The following ASAP2 variants were observed in gnomAD, a reference collection of about 807,000 sequenced individuals.
ASAP2 encodes arf-GAP with SH3 domain, ANK repeat and PH domain-containing protein 2.
Under a neutral mutation model 131.4 loss-of-function variants are expected in ASAP2, and 45 were observed. The ratio of observed to expected loss-of-function variants is 0.34; its 90% CI spans 0.27 to 0.44. The LOEUF (loss-of-function observed/expected upper bound fraction) is 0.44, where lower values mean the gene tolerates loss of function less well. Ranked by LOEUF, ASAP2 falls within the 20% of genes least tolerant of loss-of-function variation. The pLI is 1.00. For synonymous variants in ASAP2, 510 were observed against 503.0 expected (o/e 1.01, Z -0.19); for missense variants, 1,011 against 1,297.0 (o/e 0.78, Z 3.39).
At chr2:9,253,527 T>C (rs1157329652) in intron 1 of ASAP2, among the ~76,000 whole-genome samples, 1 of 152,180 alleles carries the variant, frequency 6.6e-6, no homozygotes, top group African/African-American at 2.4e-5. Context: ...ACCCTACAGA[T>C]GTAACGTAGC....
At chr2:9,352,092 G>C (rs74462475) in intron 12 of ASAP2, among the ~76,000 whole-genome samples, 6,467 of 152,196 alleles carry the variant, frequency 0.042, 371 homozygotes, top group African/African-American at 0.12. Flanking sequence ...GCCAGGTGTG[G>C]TGGTGTGATC....
chr2:9,302,204 G>A (rs1335413217), intron 3 of ASAP2, among the ~76,000 whole-genome samples: 3 of 122,898 alleles, frequency 2.4e-5, no homozygotes, highest in African/African-American at 6.4e-5. Flanking sequence ...ACGGAGTCTC[G>A]CTCTGTCGCC....
intron 1 of ASAP2, among the ~76,000 whole-genome samples, chr2:9,242,240 G>A (rs1039262866): frequency 2.6e-5 from 4 of 152,218 alleles, no homozygotes; most frequent in Admixed American, 2.6e-4. Context: ...TACAGATAGA[G>A]ATCTGACCTG....
intron 1 of ASAP2, among the ~76,000 whole-genome samples, chr2:9,226,324 G>A (rs1259881999): frequency 1.3e-5 from 2 of 152,188 alleles, no homozygotes; most frequent in African/African-American, 2.4e-5. Flanking sequence ...CTGTATGGCT[G>A]TGTACCCTTA....
At chr2:9,265,560 T>C (rs1318351515) in intron 1 of ASAP2, among the ~76,000 whole-genome samples, 1 of 152,346 alleles carries the variant, frequency 6.6e-6, no homozygotes, top group South Asian at 2.1e-4. Flanking sequence ...TTAATGATAG[T>C]TTAAAAGTGG....
intron 1 of ASAP2, among the ~76,000 whole-genome samples, chr2:9,270,430 TA>T (rs760273463): frequency 1.8e-3 from 266 of 151,906 alleles, no homozygotes; most frequent in African/African-American, 4.8e-3. Context: ...TATTTTTTTT[TA>T]AATTTTTGAT....
intron 1 of ASAP2, among the ~76,000 whole-genome samples, chr2:9,237,752 A>G (rs1187889018): frequency 6.6e-6 from 1 of 152,116 alleles, no homozygotes; most frequent in African/African-American, 2.4e-5. Flanking sequence ...CTGAGCGACC[A>G]GGAGACTGAG....
chr2:9,304,495 G>A (rs796860291), intron 3 of ASAP2, among the ~76,000 whole-genome samples: 2 of 145,262 alleles, frequency 1.4e-5, no homozygotes, highest in Admixed American at 6.9e-5. Context: ...CTGTAGGGGG[G>A]GTGTAGATAC....
At position 9,236,091 on chromosome 2, in the gene ASAP2, C is replaced by T. The variant is rs542083765; in HGVS notation, c.126+28861C>T. Among the ~76,000 whole-genome samples the T allele has an allele frequency of 4.7e-3, 721 of 152,204 alleles. 3 individuals are homozygous for T. The highest frequency in any genetic ancestry group is 5.7e-3 in the Non-Finnish European group (389 of 68,004). On this transcript the variant is annotated intron_variant, in intron 1 of 27. Coordinates refer to ENST00000281419, the MANE Select transcript of ASAP2 (RefSeq NM_003887.3). ...TGTGTCCGGGCCTGATGTTGAGAAA[C>T]GCTGGGTCAAAAGGCTTCAGGTGAT...
At chr2:9,283,641 C>T (rs1265577300) in intron 2 of ASAP2, among the ~76,000 whole-genome samples, 2 of 152,140 alleles carry the variant, frequency 1.3e-5, no homozygotes, top group African/African-American at 2.4e-5. Context: ...GCTGCTATAA[C>T]AAAATACCAT....
rs957906804 is a variant in ASAP2 at position 9,297,339 on chromosome 2, A to G, written c.239A>G (p.Glu80Gly). ...GAAGAGCAGTACACCCAGGCTCTGG[A>G]GAAGTTTGGCGGCAACTGTGTATGC... ...ENEEQYTQAL[E>G]KFGGNCVCRD... The change falls in exon 3 of 28, where the codon GAG (glutamate) becomes GGG (glycine). Residue 80 changes from glutamate to glycine, a missense_variant. By Grantham distance (98) the Glu-to-Gly change is moderately conservative. Coordinates refer to ENST00000281419, the MANE Select transcript of ASAP2 (RefSeq NM_003887.3). The G allele has an allele frequency of 1.2e-6, 2 of 1,614,112 alleles. No individual in the cohort carries two copies. Among genetic ancestry groups the G allele is most frequent in the Non-Finnish European group, 1.7e-6 (2 of 1,180,006 alleles).
chr2:9,223,642 C>T (rs1382987740), intron 1 of ASAP2, among the ~76,000 whole-genome samples: 3 of 152,166 alleles, frequency 2.0e-5, no homozygotes, highest in Non-Finnish European at 2.9e-5. Context: ...AAAATGACCC[C>T]CAATGAAGTA....
intron 16 of ASAP2, among the ~76,000 whole-genome samples, chr2:9,373,873 C>T (rs1318140393): frequency 2.0e-5 from 3 of 152,218 alleles, no homozygotes; most frequent in Non-Finnish European, 4.4e-5. Context: ...TACTCTGTGA[C>T]CAGTGAGCTG....
At chr2:9,236,580 T>G (rs141959626) in intron 1 of ASAP2, among the ~76,000 whole-genome samples, 1 of 152,336 alleles carries the variant, frequency 6.6e-6, no homozygotes, top group East Asian at 1.9e-4. Flanking sequence ...ATTCTTAATG[T>G]CTAAAGAGGA....
intron 1 of ASAP2, among the ~76,000 whole-genome samples, chr2:9,278,200 C>G (rs546250361): frequency 6.6e-6 from 1 of 152,264 alleles, no homozygotes; most frequent in East Asian, 1.9e-4. Context: ...TTGTCTCCCT[C>G]CAGTCACAAG....
At position 9,400,754 on chromosome 2, in the gene ASAP2, C is replaced by A; in HGVS notation, c.2747C>A (p.Ala916Glu). The stretch of plus-strand genomic sequence containing the variant: ...TTTTGCCCTACAGTGGATCTCTCTG[C>A]AACGGAAGCTCTGGGTCCTCTGTCC... The part of the protein sequence containing the change: ...GQPRGPVDLS[A>E]TEALGPLSNA... Residue 916 changes from alanine to glutamate, a missense_variant, in exon 26 of 28, where the codon GCA becomes GAA. This residue lies in a region of ASAP2 where 652 missense variants were observed against 698.9 expected (regional missense o/e 0.93). Coordinates refer to ENST00000281419, the MANE Select transcript of ASAP2 (RefSeq NM_003887.3). 6.2e-7 allele frequency: 1 copy of A among 1,613,704 alleles called. No individual in the cohort carries two copies. The highest frequency in any genetic ancestry group is 8.5e-7 in the Non-Finnish European group (1 of 1,179,902).
At chr2:9,244,144 ACCC>A (rs1664174098) in intron 1 of ASAP2, among the ~76,000 whole-genome samples, 1 of 152,022 alleles carries the variant, frequency 6.6e-6, no homozygotes, top group Admixed American at 6.6e-5. Context: ...TACCAAAAAA[ACCC>A]CACAAAAATT....
chr2:9,373,530 C>T (rs1674149292), intron 16 of ASAP2, among the ~76,000 whole-genome samples: 1 of 152,250 alleles, frequency 6.6e-6, no homozygotes, highest in Admixed American at 6.5e-5. Flanking sequence ...CTCCCTGCCT[C>T]CAGTGGCATG....
At chr2:9,317,054 A>T (rs1669735580) in intron 3 of ASAP2, among the ~76,000 whole-genome samples, 1 of 145,110 alleles carries the variant, frequency 6.9e-6, no homozygotes, top group Non-Finnish European at 1.5e-5. Context: ...TCACATCCAC[A>T]CTCCACACAA....
Sources: allele counts gnomAD v4.1 joint callset (sites outside exome capture counted in the v4.1 genomes callset), GRCh38; gene constraint gnomAD v4.1.1; regional missense constraint gnomAD v4.1.1; transcripts MANE v1.5; gene names NCBI Gene and HGNC (gene_info 2026-07-23, HGNC 2026-07-21).